Variants in MEOX2 observed in about 807,000 individuals in gnomAD.
MEOX2 encodes the protein mesenchyme homeobox 2.
A neutral mutation model predicts 27.0 loss-of-function variants in MEOX2; 11 were observed. The ratio of observed to expected loss-of-function variants is 0.41; its 90% CI spans 0.26 to 0.68. The LOEUF is 0.68. MEOX2 is among the 30% of genes least tolerant of loss of function. MEOX2 has a pLI of 0.33. For synonymous variants in MEOX2, 189 were observed against 155.4 expected (o/e 1.22, Z -1.61); for missense variants, 436 against 385.4 (o/e 1.13, Z -1.10).
At chr7:15,630,465 A>G (rs1235340170) in intron 1 of MEOX2, among the ~76,000 whole-genome samples, 1 of 152,068 alleles carries the variant, frequency 6.6e-6, no homozygotes, top group Non-Finnish European at 1.5e-5. Context: ...GATTGAGAAT[A>G]TTTTTGGCTA....
chr7:15,646,467 A>G (rs928746188), intron 1 of MEOX2, among the ~76,000 whole-genome samples: 1 of 152,030 alleles, frequency 6.6e-6, no homozygotes, highest in African/African-American at 2.4e-5. Context: ...TTTGTAACAT[A>G]CAAAAGTTCA....
intron 1 of MEOX2, among the ~76,000 whole-genome samples, chr7:15,657,642 T>C (rs1781845629): frequency 2.6e-5 from 4 of 152,206 alleles, no homozygotes; most frequent in Admixed American, 2.6e-4. Context: ...ATTGAAAAGA[T>C]TTTATGATTA....
Position 15,686,491 on chromosome 7 carries a change from G to GTT in MEOX2, c.-90_-89insAA. Reference sequence around the variant, plus strand: ...GTCACTTTTTCACTGGAAACCGTGTGATTTTTTTTTTAACCTCCCAAAGCA... The same window carrying GTT: ...GTCACTTTTTCACTGGAAACCGTGTGTTATTTTTTTTTTAACCTCCCAAAGCA... On this transcript the variant is annotated 5_prime_UTR_variant, in exon 1 of 3. Transcript: ENST00000262041. The GTT allele has an allele frequency of 8.2e-7, 1 of 1,217,970 alleles. No individual in the cohort carries two copies. The highest frequency in any genetic ancestry group is 1.1e-6 in the Non-Finnish European group (1 of 916,158). 75.4% of individuals were successfully genotyped at this position (1,217,970 alleles called of 1,614,324 possible).
At chr7:15,674,431 C>G (rs1481746323) in intron 1 of MEOX2, among the ~76,000 whole-genome samples, 2 of 151,928 alleles carry the variant, frequency 1.3e-5, no homozygotes, top group African/African-American at 4.8e-5. Flanking sequence ...GAACCATGCT[C>G]TGGTAGGATG....
chr7:15,677,818 C>T (rs956562890), intron 1 of MEOX2, among the ~76,000 whole-genome samples: 1 of 152,112 alleles, frequency 6.6e-6, no homozygotes, highest in Non-Finnish European at 1.5e-5. Context: ...CATCTATTTC[C>T]TTGTCTAATA....
At chr7:15,658,953 T>A (rs1781866112) in intron 1 of MEOX2, among the ~76,000 whole-genome samples, 1 of 152,204 alleles carries the variant, frequency 6.6e-6, no homozygotes, top group African/African-American at 2.4e-5. Context: ...CATCTTTCTA[T>A]CTTTCAGAAA....
intron 1 of MEOX2, among the ~76,000 whole-genome samples, chr7:15,631,667 C>T (rs945877554): frequency 6.6e-6 from 1 of 151,694 alleles, no homozygotes; most frequent in African/African-American, 2.4e-5. Context: ...ATGATTGCAT[C>T]AGTATTTAGC....
intron 1 of MEOX2, among the ~76,000 whole-genome samples, chr7:15,684,952 A>G (rs1782353019): frequency 6.6e-6 from 1 of 152,252 alleles, no homozygotes; most frequent in Non-Finnish European, 1.5e-5. Flanking sequence ...TTGTGCCTTC[A>G]AGCACCAGAG....
At position 15,612,665 on chromosome 7, in the gene MEOX2, C is replaced by A. The variant is rs1781051396; in HGVS notation, c.691-54G>T. 2.0e-6 allele frequency: 3 copies of A among 1,504,090 alleles called. No individual in the cohort carries two copies. The African/African-American group carries it at 4.1e-5, about 21-fold the overall frequency. 93.2% of individuals were successfully genotyped at this position (1,504,090 alleles called of 1,614,324 possible). A position where few individuals can be genotyped will look rare whatever the true frequency, so the allele number is the denominator to read the frequency against. ...AGAAAAAAAGAGATAATTAAAGTGA[C>A]ATTTTTTTCTCCTTAGTGTCATCAA... On this transcript the variant is annotated intron_variant, in intron 2 of 2. Transcript: ENST00000262041.
At position 15,612,348 on chromosome 7, in the gene MEOX2, C is replaced by A. The variant is rs574423063; in HGVS notation, c.*39G>T. The A allele has an allele frequency of 1.3e-6, 2 of 1,538,304 alleles. No homozygotes were observed. Among genetic ancestry groups the A allele is most frequent in the East Asian group, 2.3e-5 (1 of 44,430 alleles). On this transcript the variant is annotated 3_prime_UTR_variant, in exon 3 of 3. Coordinates refer to ENST00000262041, the MANE Select transcript of MEOX2 (RefSeq NM_005924.5). ...ATTTGGGTAAGGCTTGCCATCACAACATTTCTTTCCTGAGAATGGAGCTGG... is the reference window on the plus strand; with the variant it reads ...ATTTGGGTAAGGCTTGCCATCACAAAATTTCTTTCCTGAGAATGGAGCTGG...
chr7:15,632,803 G>A (rs1029057058), intron 1 of MEOX2, among the ~76,000 whole-genome samples: 2 of 151,860 alleles, frequency 1.3e-5, no homozygotes, highest in Non-Finnish European at 2.9e-5. Flanking sequence ...AGAGTTTACA[G>A]AGCCCAGAAT....
At chr7:15,614,858 A>T (rs1182055749) in intron 2 of MEOX2, among the ~76,000 whole-genome samples, 1 of 152,136 alleles carries the variant, frequency 6.6e-6, no homozygotes, top group Non-Finnish European at 1.5e-5. Context: ...AAATTTCCAA[A>T]GACATAATTA....
chr7:15,654,709 T>C (rs1781791513), intron 1 of MEOX2, among the ~76,000 whole-genome samples: 1 of 151,836 alleles, frequency 6.6e-6, no homozygotes, highest in Non-Finnish European at 1.5e-5. Flanking sequence ...TTTTTAAATA[T>C]TTAATCAGCC....
chr7:15,678,731 G>A (rs554890584), intron 1 of MEOX2, among the ~76,000 whole-genome samples: 1 of 152,222 alleles, frequency 6.6e-6, no homozygotes, highest in African/African-American at 2.4e-5. Context: ...TGTCATTTCT[G>A]GCAAAAATTT....
chr7:15,626,772 C>G lies in MEOX2; in HGVS notation c.664G>C (p.Val222Leu). Residue 222 changes from valine to leucine, a missense_variant, in exon 2 of 3, where the codon GTG (valine) becomes CTG (leucine). Val to Leu is a conservative substitution (Grantham distance 32). Transcript: ENST00000262041. ...LTRLRRYEIA[V>L]NLDLTERQVK... The stretch of plus-strand genomic sequence containing the variant: ...TGTCTTTCAGTGAGATCCAGATTCA[C>G]TGCTATCTCGTATCGCCTCAGTCTG... 7 of 1,609,326 alleles carry G rather than the reference C, an allele frequency of 4.3e-6. No homozygotes were observed. The highest frequency in any genetic ancestry group is 5.9e-6 in the Non-Finnish European group (7 of 1,178,106).
chr7:15,675,128 C>G (rs1351588554), intron 1 of MEOX2, among the ~76,000 whole-genome samples: 1 of 152,126 alleles, frequency 6.6e-6, no homozygotes, highest in African/African-American at 2.4e-5. Context: ...CTTCAATTCA[C>G]AAATAACTGC....
chr7:15,645,535 T>A (rs1583763845), intron 1 of MEOX2, among the ~76,000 whole-genome samples: 1 of 152,202 alleles, frequency 6.6e-6, no homozygotes, highest in African/African-American at 2.4e-5. Context: ...GTTGGAATTA[T>A]TTTTTATTGA....
At chr7:15,623,464 G>A (rs1041695513) in intron 2 of MEOX2, among the ~76,000 whole-genome samples, 2 of 152,118 alleles carry the variant, frequency 1.3e-5, no homozygotes, top group African/African-American at 2.4e-5. Context: ...CTGCCTCCCA[G>A]GCTTAAATGT....
chr7:15,614,205 AAAATAAAATAAAATAAAAT>A (rs1781085000), intron 2 of MEOX2, among the ~76,000 whole-genome samples: 1 of 3,922 alleles, frequency 2.5e-4, no homozygotes, highest in South Asian at 1.9e-3. Flanking sequence ...ATAAATAGAT[AAAATAAAATAAAATAAAAT>A]AAAATAAAAT....
Sources: allele counts gnomAD v4.1 joint callset (sites outside exome capture counted in the v4.1 genomes callset), GRCh38; gene constraint gnomAD v4.1.1; transcripts MANE v1.5; gene names NCBI Gene and HGNC (gene_info 2026-07-23, HGNC 2026-07-21).